Variants in PLCB1 observed in about 807,000 individuals in gnomAD.
The protein encoded by PLCB1 is phospholipase C beta 1, also known as 1-phosphatidylinositol 4,5-bisphosphate phosphodiesterase beta-1.
Under a neutral mutation model 161.8 loss-of-function variants are expected in PLCB1, and 46 were observed. The observed-to-expected ratio is 0.28, with a 90% confidence interval of 0.22 to 0.36. The LOEUF (loss-of-function observed/expected upper bound fraction) is 0.36. Among genes scored for constraint, PLCB1 ranks in the 10% least tolerant of loss-of-function variants. The pLI, the probability that PLCB1 is intolerant of heterozygous loss-of-function variation, is 1.00. For synonymous variants in PLCB1, 517 were observed against 503.7 expected (o/e 1.03, Z -0.35); for missense variants, 1,016 against 1,472.5 (o/e 0.69, Z 5.07).
chr20:8,453,394 G>A (rs1981161212), intron 3 of PLCB1, among the ~76,000 whole-genome samples: 1 of 152,182 alleles, frequency 6.6e-6, no homozygotes, highest in Admixed American at 6.5e-5. Flanking sequence ...AGTAAGCCAA[G>A]TCAAGTTATT....
At chr20:8,444,147 G>A (rs915997248) in intron 3 of PLCB1, among the ~76,000 whole-genome samples, 2 of 151,802 alleles carry the variant, frequency 1.3e-5, no homozygotes, top group East Asian at 1.9e-4. Flanking sequence ...CCATTAACTC[G>A]TCATTTACAT....
At chr20:8,879,346 T>C (rs1183213312) in intron 31 of PLCB1, among the ~76,000 whole-genome samples, 1 of 151,820 alleles carries the variant, frequency 6.6e-6, no homozygotes. Flanking sequence ...ATCTGTTATC[T>C]GAGATTCTTG....
chr20:8,258,071 A>G (rs1204634991), intron 2 of PLCB1, among the ~76,000 whole-genome samples: 1 of 152,148 alleles, frequency 6.6e-6, no homozygotes, highest in East Asian at 1.9e-4. Flanking sequence ...TCAAGTTTAC[A>G]CTCATTCCAC....
At chr20:8,336,873 C>T (rs1402792087) in intron 2 of PLCB1, among the ~76,000 whole-genome samples, 1 of 151,946 alleles carries the variant, frequency 6.6e-6, no homozygotes, top group African/African-American at 2.4e-5. Context: ...CCAGTATAGC[C>T]TACAACACTG....
intron 11 of PLCB1, among the ~76,000 whole-genome samples, chr20:8,707,313 G>A (rs1473563442): frequency 2.6e-5 from 4 of 152,042 alleles, no homozygotes; most frequent in Admixed American, 6.6e-5. Context: ...AGGTAGAGAC[G>A]ATAGCAGAAA....
At chr20:8,183,068 T>C (rs1346376898) in intron 2 of PLCB1, among the ~76,000 whole-genome samples, 1 of 152,208 alleles carries the variant, frequency 6.6e-6, no homozygotes, top group Non-Finnish European at 1.5e-5. Context: ...ATATGTCCCA[T>C]ACACACATGA....
chr20:8,297,767 G>C (rs530225728), intron 2 of PLCB1, among the ~76,000 whole-genome samples: 1 of 152,112 alleles, frequency 6.6e-6, no homozygotes, highest in African/African-American at 2.4e-5. Flanking sequence ...CATTTGGTCA[G>C]TCAAGAGCTA....
At chr20:8,826,756 A>G (rs1478135094) in intron 31 of PLCB1, among the ~76,000 whole-genome samples, 1 of 152,202 alleles carries the variant, frequency 6.6e-6, no homozygotes, top group South Asian at 2.1e-4. Context: ...TTCACTCTAA[A>G]TGGGTTTAAT....
chr20:8,322,530 T>A (rs1306982073), intron 2 of PLCB1, among the ~76,000 whole-genome samples: 1 of 137,050 alleles, frequency 7.3e-6, no homozygotes, highest in Non-Finnish European at 1.5e-5. Context: ...TTGCTGATAG[T>A]GCCCTTAAGG....
chr20:8,564,614 A>G (rs1986261121), intron 3 of PLCB1, among the ~76,000 whole-genome samples: 1 of 152,212 alleles, frequency 6.6e-6, no homozygotes, highest in African/African-American at 2.4e-5. Context: ...TTCAGAATCT[A>G]CAAAGAGCTT....
At chr20:8,638,708 T>G (rs1988846665) in intron 4 of PLCB1, among the ~76,000 whole-genome samples, 1 of 152,198 alleles carries the variant, frequency 6.6e-6, no homozygotes, top group Non-Finnish European at 1.5e-5. Context: ...AATAATAGTT[T>G]TTTAGGTTAC....
intron 10 of PLCB1, among the ~76,000 whole-genome samples, chr20:8,687,802 G>A (rs6118292): frequency 0.07 from 10,720 of 152,286 alleles, 427 homozygotes; most frequent in African/African-American, 0.1. Flanking sequence ...ACATGCGTGT[G>A]CAAGTATCTT....
chr20:8,558,419 A>G (rs977967644), intron 3 of PLCB1, among the ~76,000 whole-genome samples: 1 of 151,902 alleles, frequency 6.6e-6, no homozygotes, highest in Non-Finnish European at 1.5e-5. Flanking sequence ...AGAATAAAGA[A>G]AAATGAACAG....
chr20:8,832,417 C>T (rs1986056868), intron 31 of PLCB1, among the ~76,000 whole-genome samples: 1 of 152,138 alleles, frequency 6.6e-6, no homozygotes, highest in Non-Finnish European at 1.5e-5. Flanking sequence ...GCTTCCTGAA[C>T]ATCAGGGAAA....
At chr20:8,198,443 C>A (rs2052053208) in intron 2 of PLCB1, among the ~76,000 whole-genome samples, 1 of 152,062 alleles carries the variant, frequency 6.6e-6, no homozygotes, top group African/African-American at 2.4e-5. Context: ...TTGCAGAAGT[C>A]TGTGACAACC....
chr20:8,310,920 C>A (rs573992263), intron 2 of PLCB1, among the ~76,000 whole-genome samples: 27 of 152,266 alleles, frequency 1.8e-4, no homozygotes, highest in Non-Finnish European at 3.5e-4. Context: ...GTGGCTGCTG[C>A]ATAGTATTCT....
At chr20:8,726,443 T>C (rs1979938760) in intron 16 of PLCB1, among the ~76,000 whole-genome samples, 1 of 152,086 alleles carries the variant, frequency 6.6e-6, no homozygotes, top group Admixed American at 6.6e-5. Context: ...CTGGGTAATT[T>C]GTAAAGAAAA....
At chr20:8,339,361 G>A (rs1376290126) in intron 2 of PLCB1, among the ~76,000 whole-genome samples, 4 of 152,170 alleles carry the variant, frequency 2.6e-5, no homozygotes, top group Non-Finnish European at 5.9e-5. Context: ...GAGCTGGAAA[G>A]AGGAGGAGAG....
chr20:8,356,319 T>G (rs1986360813), intron 2 of PLCB1, among the ~76,000 whole-genome samples: 1 of 152,140 alleles, frequency 6.6e-6, no homozygotes, highest in South Asian at 2.1e-4. Context: ...GAATCACCTG[T>G]AGGATTTGTT....
Sources: gnomAD v4.1 joint callset for allele counts (sites outside exome capture counted in the v4.1 genomes callset) on GRCh38, gnomAD v4.1.1 for gene constraint, MANE v1.5 for transcripts, NCBI Gene and HGNC (gene_info 2026-07-23, HGNC 2026-07-21) for gene names.